ARHGEF4: variants seen among roughly 807,000 people sequenced by gnomAD.
The protein encoded by ARHGEF4 is APC-stimulated guanine nucleotide exchange factor 1.
In ARHGEF4, 119 loss-of-function variants were observed where a neutral mutation model predicts 162.0. The ratio of observed to expected loss-of-function variants is 0.73; its 90% CI spans 0.63 to 0.86. ARHGEF4 has a LOEUF of 0.86. ARHGEF4 is among the 40% of genes least tolerant of loss of function. The pLI, the probability that ARHGEF4 is intolerant of heterozygous loss-of-function variation, is 0.00. For synonymous variants in ARHGEF4, 1,014 were observed against 979.9 expected, an observed-to-expected ratio of 1.03 and a Z score of -0.65; for missense variants, 2,488 against 2,456.0, an observed-to-expected ratio of 1.01 and a Z score of -0.28.
chr2:131,027,070 C>T (rs1689527714), intron 4 of ARHGEF4, among the ~76,000 whole-genome samples: 1 of 152,200 alleles, frequency 6.6e-6, no homozygotes, highest in African/African-American at 2.4e-5. Context: ...GAAACAATGT[C>T]CTAGAGAAAC....
At chr2:130,988,025 A>G (rs1410050986) in intron 4 of ARHGEF4, among the ~76,000 whole-genome samples, 1 of 152,150 alleles carries the variant, frequency 6.6e-6, no homozygotes, top group Non-Finnish European at 1.5e-5. Flanking sequence ...GGAAGATAAC[A>G]TGATTCCAAG....
chr2:130,914,309 T>G lies in ARHGEF4; in HGVS notation c.363T>G (p.Ser121Arg). ...TGPPQEQHLTSVPGLHAKEEL... is the reference protein window; with the variant it reads ...TGPPQEQHLTRVPGLHAKEEL... The stretch of plus-strand genomic sequence containing the variant: ...CCCCTCAGGAGCAGCATTTGACCAG[T>G]GTTCCTGGGCTTCATGCAAAGGAAG... The change falls in exon 2 of 14, where the codon AGT becomes AGG. Residue 121 changes from serine to arginine, a missense_variant. Around this residue, in one of 6 missense-constraint regions of ARHGEF4, gnomAD observed 171 missense variants for 169.4 expected, o/e 1.01. Transcript: ENST00000409359. 6.7e-7 allele frequency: 1 copy of G among 1,502,334 alleles called. No individual in the cohort carries two copies. Among genetic ancestry groups the G allele is most frequent in the Non-Finnish European group, 8.9e-7 (1 of 1,128,776 alleles). The allele number at this position is 1,502,334 out of a possible 1,614,324, so 93.1% of individuals were successfully genotyped here.
rs183282898 is a variant in ARHGEF4, at chr2:130,924,301, G to T, written c.3553-6651G>T. ...AGTTCCTTTTTTTTTTTTTGAGACCGAGTCTCACACTGTCACGGGCAGTGG... is the reference window on the plus strand; with the variant it reads ...AGTTCCTTTTTTTTTTTTTGAGACCTAGTCTCACACTGTCACGGGCAGTGG... On this transcript the variant is annotated intron_variant, in intron 2 of 13. Transcript: ENST00000409359. Among the ~76,000 whole-genome samples, 269 of 146,060 alleles carry T rather than the reference G, an allele frequency of 1.8e-3. 2 individuals are homozygous for T. The highest frequency in any genetic ancestry group is 6.5e-3 in the African/African-American group (257 of 39,398).
At chr2:130,939,475 G>A (rs576420752) in intron 3 of ARHGEF4, among the ~76,000 whole-genome samples, 184 of 152,238 alleles carry the variant, frequency 1.2e-3, no homozygotes, top group Non-Finnish European at 2.5e-3. Context: ...GTGCCACACT[G>A]TCTTGATCTT....
At chr2:131,000,223 T>C (rs1328471894) in intron 4 of ARHGEF4, among the ~76,000 whole-genome samples, 1 of 152,262 alleles carries the variant, frequency 6.6e-6, no homozygotes, top group East Asian at 1.9e-4. Flanking sequence ...ATTTCCTCTT[T>C]TGTCTATTAT....
intron 4 of ARHGEF4, among the ~76,000 whole-genome samples, chr2:130,979,089 A>G (rs1176936394): frequency 6.6e-6 from 1 of 152,214 alleles, no homozygotes; most frequent in African/African-American, 2.4e-5. Flanking sequence ...AAAGTAAAAC[A>G]TCAATTGTGG....
At chr2:131,002,843 A>G (rs189268960) in intron 4 of ARHGEF4, among the ~76,000 whole-genome samples, 341 of 151,010 alleles carry the variant, frequency 2.3e-3, no homozygotes, top group Middle Eastern at 0.014. Flanking sequence ...TCGGCTTCCT[A>G]TATTAGTTTT....
intron 8 of ARHGEF4, 53 bp downstream of exon 8, chr2:131,040,493 CGCGGGCGCCAGCGCGGACA>C: frequency 4.1e-6 from 6 of 1,479,226 alleles, no homozygotes; most frequent in Non-Finnish European, 5.4e-6. Flanking sequence ...CAGAGGCTGC[CGCGGGCGCCAGCGCGGACA>C]GCGGGTGGCT....
At chr2:130,837,550 T>C (rs1255495069) in intron 1 of ARHGEF4, 1 of 439,292 alleles carries the variant, frequency 2.3e-6, no homozygotes, top group South Asian at 1.6e-5. Context: ...GCCCCCTCTC[T>C]GGCCCGATTT....
At chr2:130,875,068 C>T (rs1678736249) in intron 1 of ARHGEF4, among the ~76,000 whole-genome samples, 1 of 152,172 alleles carries the variant, frequency 6.6e-6, no homozygotes, top group Non-Finnish European at 1.5e-5. Flanking sequence ...TGACATCATT[C>T]CTCTGGAAGA....
intron 2 of ARHGEF4, among the ~76,000 whole-genome samples, chr2:130,926,810 ATTTTTTTTTTTTTTTT>A (rs55904944): frequency 2.0e-5 from 1 of 48,948 alleles, no homozygotes; most frequent in African/African-American, 6.9e-5. Context: ...CTTCTGGCTG[ATTTTTTTTTTTTTTTT>A]TTTTTTTTTT....
chr2:130,898,993 A>C (rs571726370), intron 1 of ARHGEF4, among the ~76,000 whole-genome samples: 1 of 151,980 alleles, frequency 6.6e-6, no homozygotes, highest in Non-Finnish European at 1.5e-5. Context: ...GGAATTCTCT[A>C]TTGTAGCATC....
chr2:130,938,878 T>G (rs1328021931), intron 3 of ARHGEF4, among the ~76,000 whole-genome samples: 1 of 152,200 alleles, frequency 6.6e-6, no homozygotes, highest in African/African-American at 2.4e-5. Flanking sequence ...CTTTTCACAT[T>G]TAAGTTTGTG....
intron 4 of ARHGEF4, among the ~76,000 whole-genome samples, chr2:130,997,911 T>C (rs1301598764): frequency 6.7e-6 from 1 of 149,366 alleles, no homozygotes; most frequent in Non-Finnish European, 1.5e-5. Context: ...TGGAGCTGCA[T>C]AGGAACACAC....
At chr2:131,042,026 A>C in intron 10 of ARHGEF4, 82 bp downstream of exon 10, 1 of 1,513,200 alleles carries the variant, frequency 6.6e-7, no homozygotes, top group Non-Finnish European at 8.9e-7. Flanking sequence ...AAAATCTAGA[A>C]GGGAGCTGAA....
chr2:131,043,614 A>T, intron 11 of ARHGEF4, 31 bp downstream of exon 11: 2 of 1,613,076 alleles, frequency 1.2e-6, no homozygotes, highest in Non-Finnish European at 1.7e-6. Context: ...TGCTGCCCCA[A>T]GTTGAGCAAG....
chr2:130,898,410 C>T (rs150168092), intron 1 of ARHGEF4, among the ~76,000 whole-genome samples: 72 of 152,276 alleles, frequency 4.7e-4, no homozygotes, highest in Middle Eastern at 3.4e-3. Context: ...TATGGAGATG[C>T]GATTGGACGC....
intron 4 of ARHGEF4, among the ~76,000 whole-genome samples, chr2:130,982,516 G>T (rs528259814): frequency 2.7e-4 from 41 of 151,940 alleles, no homozygotes; most frequent in Admixed American, 9.2e-4. Flanking sequence ...ACATGCCTGG[G>T]CTTTCTGTTC....
Position 130,915,784 on chromosome 2 carries a change from G to A in ARHGEF4, c.1838G>A (p.Gly613Asp), listed in dbSNP as rs1355910622. 13 of 1,524,952 alleles carry A rather than the reference G, an allele frequency of 8.5e-6. No homozygotes were observed. Among genetic ancestry groups the A allele is most frequent in the Admixed American group, 6.3e-5 (3 of 47,370 alleles). The allele number at this position is 1,524,952 out of a possible 1,614,324, so 94.5% of individuals were successfully genotyped here. A position where few individuals can be genotyped will look rare whatever the true frequency, so the allele number is the denominator to read the frequency against. The part of the protein sequence containing the change: ...EGEQGPGGAG[G>D]RQLEPKAGGE... ...GAACAGGGGCCTGGGGGTGCCGGGG[G>A]CCGGCAGCTGGAGCCCAAAGCAGGC... Residue 613 changes from glycine to aspartate, a missense_variant, in exon 2 of 14, where the codon GGC becomes GAC. By Grantham distance (94) the Gly-to-Asp change is moderately conservative. This residue lies in a region of ARHGEF4 where 1,642 missense variants were observed against 1,481.5 expected (regional missense o/e 1.11). Coordinates refer to ENST00000409359, the MANE Select transcript of ARHGEF4 (RefSeq NM_001367493.1).
Sources: gnomAD v4.1 joint callset for allele counts (sites outside exome capture counted in the v4.1 genomes callset) on GRCh38, gnomAD v4.1.1 for gene constraint, gnomAD v4.1.1 regional missense constraint, MANE v1.5 for transcripts, NCBI Gene and HGNC (gene_info 2026-07-23, HGNC 2026-07-21) for gene names.